FOXP1: variants seen among roughly 807,000 people sequenced by gnomAD.
The protein encoded by FOXP1 is forkhead box protein P1.
A neutral mutation model predicts 98.2 loss-of-function variants in FOXP1; 15 were observed. The observed-to-expected ratio is 0.15, with a 90% CI of 0.10 to 0.24. The LOEUF is 0.24. Ranked by LOEUF, FOXP1 falls within the 10% of genes least tolerant of loss-of-function variation. FOXP1 has a pLI of 1.00. For synonymous variants in FOXP1, 371 were observed against 314.5 expected (o/e 1.18, Z -1.90); for missense variants, 633 against 848.5 (o/e 0.75, Z 3.15).
chr3:71,163,814 A>C (rs2061265072), intron 6 of FOXP1, among the ~76,000 whole-genome samples: 1 of 152,084 alleles, frequency 6.6e-6, no homozygotes, highest in Non-Finnish European at 1.5e-5. Context: ...AAGCAGTCCC[A>C]CAGTTTAGAG....
chr3:70,978,785 C>T (rs192656874), intron 14 of FOXP1, among the ~76,000 whole-genome samples: 1 of 151,848 alleles, frequency 6.6e-6, no homozygotes. Context: ...TTATGAATAA[C>T]CTTTATTAAA....
chr3:71,095,915 C>A (rs2056411138), intron 7 of FOXP1, among the ~76,000 whole-genome samples: 1 of 152,162 alleles, frequency 6.6e-6, no homozygotes, highest in South Asian at 2.1e-4. Flanking sequence ...TCAAGGTAGA[C>A]CTTCAATATA....
At chr3:71,286,302 T>TCCCCCCCCCCCCCCCCC (rs2072125005) in intron 5 of FOXP1, among the ~76,000 whole-genome samples, 6 of 142,142 alleles carry the variant, frequency 4.2e-5, no homozygotes, top group African/African-American at 1.4e-4. Flanking sequence ...ATGTAGAGTG[T>TCCCCCCCCCCCCCCCCC]CCCCCGCCAC....
At chr3:71,003,526 T>C (rs1480581110) in intron 12 of FOXP1, among the ~76,000 whole-genome samples, 1 of 152,028 alleles carries the variant, frequency 6.6e-6, no homozygotes, top group East Asian at 1.9e-4. Context: ...ATAAGAAAGA[T>C]GGAATCTGTC....
At chr3:70,966,350 G>A (rs2034772170) in intron 19 of FOXP1, 1 of 428,208 alleles carries the variant, frequency 2.3e-6, no homozygotes, top group Non-Finnish European at 4.4e-6. Context: ...TTTCGAATAT[G>A]AGGTTTATGT....
At chr3:71,381,943 T>G (rs1311751959) in intron 3 of FOXP1, among the ~76,000 whole-genome samples, 1 of 152,176 alleles carries the variant, frequency 6.6e-6, no homozygotes, top group African/African-American at 2.4e-5. Context: ...TTGATTAACG[T>G]CAAAGTCTTA....
intron 13 of FOXP1, among the ~76,000 whole-genome samples, chr3:70,999,988 A>G (rs1001218366): frequency 6.6e-6 from 1 of 152,186 alleles, no homozygotes; most frequent in Admixed American, 6.5e-5. Flanking sequence ...GTCATCAAGC[A>G]CTCAAAAGCA....
At chr3:71,581,793 G>A (rs1048789335) in intron 1 of FOXP1, 96 bp from the exon 2 acceptor site, 8 of 986,002 alleles carry the variant, frequency 8.1e-6, no homozygotes, top group African/African-American at 1.7e-5. Flanking sequence ...TAGGCCGAGG[G>A]GCCAGGACAG....
chr3:71,478,527 G>A (rs1054359626), intron 3 of FOXP1, among the ~76,000 whole-genome samples: 1 of 152,214 alleles, frequency 6.6e-6, no homozygotes, highest in African/African-American at 2.4e-5. Context: ...AGAGTGGCAA[G>A]GAGGTTGACT....
intron 7 of FOXP1, among the ~76,000 whole-genome samples, chr3:71,064,160 C>T (rs914563785): frequency 1.3e-5 from 2 of 152,216 alleles, no homozygotes; most frequent in African/African-American, 2.4e-5. Flanking sequence ...CATTCGCTCG[C>T]TCGCCTGCTC....
At chr3:71,344,382 G>T (rs2077198121) in intron 4 of FOXP1, among the ~76,000 whole-genome samples, 2 of 152,118 alleles carry the variant, frequency 1.3e-5, no homozygotes, top group African/African-American at 4.8e-5. Context: ...CCCACAAACA[G>T]TGTGAAACAC....
At chr3:71,385,832 AC>A (rs1445952441) in intron 3 of FOXP1, among the ~76,000 whole-genome samples, 1 of 152,034 alleles carries the variant, frequency 6.6e-6, no homozygotes, top group African/African-American at 2.4e-5. Flanking sequence ...CTCTAAATGT[AC>A]CAGTCTCACT....
At chr3:71,558,482 G>GT (rs1201104737) in intron 2 of FOXP1, among the ~76,000 whole-genome samples, 1 of 151,336 alleles carries the variant, frequency 6.6e-6, no homozygotes, top group East Asian at 1.9e-4. Context: ...TCTTGTTTTT[G>GT]TTTTTTGTTT....
intron 6 of FOXP1, among the ~76,000 whole-genome samples, chr3:71,161,637 C>T (rs2061141635): frequency 6.6e-6 from 1 of 152,176 alleles, no homozygotes; most frequent in Admixed American, 6.5e-5. Flanking sequence ...ACTTTTAATC[C>T]ACCTGATTCC....
intron 3 of FOXP1, among the ~76,000 whole-genome samples, chr3:71,440,929 C>G (rs934576918): frequency 6.6e-6 from 1 of 152,106 alleles, no homozygotes; most frequent in Middle Eastern, 3.2e-3. Flanking sequence ...AAGCAAAAGA[C>G]CCTACCCTGT....
chr3:71,190,915 T>C (rs2062941533), intron 6 of FOXP1, among the ~76,000 whole-genome samples: 1 of 152,146 alleles, frequency 6.6e-6, no homozygotes, highest in South Asian at 2.1e-4. Flanking sequence ...TAGATTTGAG[T>C]TCAAAGACAA....
At chr3:71,018,037 T>A (rs2044774588) in intron 11 of FOXP1, among the ~76,000 whole-genome samples, 1 of 152,218 alleles carries the variant, frequency 6.6e-6, no homozygotes, top group African/African-American at 2.4e-5. Context: ...GTTAAACGGC[T>A]GTGCTTCCTG....
intron 12 of FOXP1, among the ~76,000 whole-genome samples, chr3:71,003,703 T>C (rs2042403248): frequency 6.6e-6 from 1 of 152,154 alleles, no homozygotes; most frequent in Non-Finnish European, 1.5e-5. Flanking sequence ...GAAGGAAATA[T>C]GATTGGAGGA....
chr3:71,543,200 A>C (rs2045023382), intron 2 of FOXP1, among the ~76,000 whole-genome samples: 1 of 152,232 alleles, frequency 6.6e-6, no homozygotes, highest in South Asian at 2.1e-4. Flanking sequence ...GTCGCTCTGT[A>C]ATAGGCAAGC....
Sources: gnomAD v4.1 joint callset for allele counts (sites outside exome capture counted in the v4.1 genomes callset) on GRCh38, gnomAD v4.1.1 for gene constraint, MANE v1.5 for transcripts, NCBI Gene and HGNC (gene_info 2026-07-23, HGNC 2026-07-21) for gene names.